LTA4H: variants seen among roughly 807,000 people sequenced by gnomAD.
LTA4H encodes the protein leukotriene A-4 hydrolase.
Under a neutral mutation model 89.8 loss-of-function variants are expected in LTA4H, and 59 were observed. The ratio of observed to expected loss-of-function variants is 0.66; its 90% confidence interval spans 0.53 to 0.82. The LOEUF is 0.82. Ranked by LOEUF, LTA4H falls within the 40% of genes least tolerant of loss-of-function variation. The pLI is 0.00. For missense variants in LTA4H, 617 were observed against 727.0 expected, an observed-to-expected ratio of 0.85 and a Z score of 1.74; for synonymous variants, 227 against 253.1, an observed-to-expected ratio of 0.90 and a Z score of 0.98.
upstream of LTA4H, chr12:96,035,768 A>AG: frequency 1.2e-5 from 10 of 803,356 alleles, no homozygotes; most frequent in Admixed American, 3.7e-5. Context: ...AGGGATGTTG[A>AG]GGGGGACCAA....
At chr12:96,033,561 CTTTTT>C (rs961398934) in intron 1 of LTA4H, among the ~76,000 whole-genome samples, 1 of 152,028 alleles carries the variant, frequency 6.6e-6, no homozygotes, top group Non-Finnish European at 1.5e-5. Context: ...TGTGGTTTTT[CTTTTT>C]TTATTATTAT....
At chr12:96,021,921 T>C (rs1950457567) in intron 5 of LTA4H, among the ~76,000 whole-genome samples, 1 of 152,112 alleles carries the variant, frequency 6.6e-6, no homozygotes, top group African/African-American at 2.4e-5. Context: ...AAAACAGGTA[T>C]GCTCCCTATT....
chr12:96,032,782 A>G (rs1015295595), intron 1 of LTA4H, among the ~76,000 whole-genome samples: 7 of 152,196 alleles, frequency 4.6e-5, no homozygotes, highest in African/African-American at 1.7e-4. Flanking sequence ...TTTTCTCTAG[A>G]TTTGGGGAAT....
intron 14 of LTA4H, chr12:96,009,423 G>C: frequency 4.7e-6 from 2 of 421,992 alleles, no homozygotes; most frequent in Non-Finnish European, 8.6e-6. Flanking sequence ...ATGTGCTCGA[G>C]TAGTATATGC....
chr12:96,008,549 T>C (rs1021169292), intron 15 of LTA4H, among the ~76,000 whole-genome samples: 3 of 132,538 alleles, frequency 2.3e-5, no homozygotes, highest in African/African-American at 9.6e-5. Context: ...TTTGCATACT[T>C]TTTTTTTTTA....
chr12:96,035,446 C>A lies in LTA4H; in HGVS notation c.74G>T (p.Arg25Leu). 2 of 1,609,976 alleles carry A rather than the reference C, an allele frequency of 1.2e-6. No homozygotes were observed. The highest frequency in any genetic ancestry group is 2.2e-5 in the South Asian group (2 of 90,278). ...CCGGCGAGTAAAGTCGACGCTGCAGCGCAGGTGCAGGTGCTTGGTCCGGCA... is the reference window on the plus strand; with the variant it reads ...CCGGCGAGTAAAGTCGACGCTGCAGAGCAGGTGCAGGTGCTTGGTCCGGCA... The part of the protein sequence containing the change: ...SVCRTKHLHL[R>L]CSVDFTRRTL... Residue 25 changes from arginine to leucine, a missense_variant, in exon 1 of 19, where the codon CGC (arginine) becomes CTC (leucine). Arg to Leu is a moderately radical substitution (Grantham distance 102, BLOSUM62 -2). Around this residue, in one of 3 missense-constraint regions of LTA4H, gnomAD observed 155 missense variants for 143.3 expected, o/e 1.08. Coordinates refer to ENST00000228740, the MANE Select transcript of LTA4H (RefSeq NM_000895.3).
At chr12:96,009,044 C>T (rs1034672205) in intron 15 of LTA4H, 50 bp downstream of exon 15, 2 of 1,315,416 alleles carry the variant, frequency 1.5e-6, no homozygotes, top group African/African-American at 2.9e-5. Context: ...TGAGTAAAGA[C>T]ATATTTGCAC....
In LTA4H at chr12:96,016,990, G is replaced by A. The variant is rs1950387257; in HGVS notation, c.947+54C>T. ...AACAATTCAGAGTGGTAGGAGGCAG[G>A]GAAAAAAAAATCAGCAACATGAACC... On this transcript the variant is annotated intron_variant, in intron 10 of 18. Coordinates refer to ENST00000228740, the MANE Select transcript of LTA4H (RefSeq NM_000895.3). 3.3e-6 allele frequency: 4 copies of A among 1,213,826 alleles called. No homozygotes were observed. In the African/African-American group the frequency reaches 4.5e-5, roughly 14 times the overall value. 75.2% of individuals were successfully genotyped at this position (1,213,826 alleles called of 1,614,324 possible).
chr12:96,006,213 C>A, intron 16 of LTA4H, 101 bp downstream of exon 16: 1 of 601,002 alleles, frequency 1.7e-6, no homozygotes, highest in Non-Finnish European at 2.9e-6. Flanking sequence ...ATTTTTTCCC[C>A]ATTAGTTTCC....
At chr12:96,018,464 G>A (rs1015658264) in intron 8 of LTA4H, among the ~76,000 whole-genome samples, 2 of 152,048 alleles carry the variant, frequency 1.3e-5, no homozygotes, top group African/African-American at 2.4e-5. Context: ...CAGGAGAATC[G>A]CTTGAACCCG....
At chr12:96,016,698 C>T (rs1390153861) in intron 10 of LTA4H, among the ~76,000 whole-genome samples, 4 of 151,062 alleles carry the variant, frequency 2.6e-5, no homozygotes, top group African/African-American at 9.7e-5. Flanking sequence ...CTCAGGAGTT[C>T]GAGACCAGCC....
intron 1 of LTA4H, chr12:96,043,147 G>A: frequency 1.6e-6 from 1 of 619,650 alleles, no homozygotes; most frequent in Non-Finnish European, 2.9e-6. Flanking sequence ...TCCACATTCT[G>A]CCTAGAAAAC....
At chr12:96,043,351 T>C (rs1453070877) in exon 1 of LTA4H, 21 of 1,535,202 alleles carry the variant, frequency 1.4e-5, no homozygotes, top group East Asian at 2.4e-5. Flanking sequence ...ACTTGTCTTT[T>C]AGAAAGATTT....
intron 1 of LTA4H, among the ~76,000 whole-genome samples, chr12:96,029,463 T>C (rs1950550372): frequency 6.6e-6 from 1 of 152,212 alleles, no homozygotes; most frequent in Non-Finnish European, 1.5e-5. Flanking sequence ...TAAATCAAAA[T>C]ATGTTTGCTT....
chr12:96,007,847 C>T (rs1384099797), intron 15 of LTA4H, among the ~76,000 whole-genome samples: 1 of 152,128 alleles, frequency 6.6e-6, no homozygotes, highest in Non-Finnish European at 1.5e-5. Context: ...CCATAGAAAT[C>T]TCTTATACTT....
chr12:96,020,080 T>A (rs1209844746), intron 6 of LTA4H, among the ~76,000 whole-genome samples: 1 of 151,996 alleles, frequency 6.6e-6, no homozygotes, highest in Non-Finnish European at 1.5e-5. Context: ...ATTTTTTATT[T>A]TTTTGTAGAG....
chr12:96,037,692 C>CT (rs1205832896), upstream of LTA4H, among the ~76,000 whole-genome samples: 22,711 of 113,990 alleles, frequency 0.2, 2,592 homozygotes, highest in Middle Eastern at 0.29. Context: ...ATTGAGAAAG[C>CT]TTTTTTTTTT....
intron 6 of LTA4H, among the ~76,000 whole-genome samples, chr12:96,019,687 G>T (rs958794597): frequency 2.0e-5 from 3 of 150,178 alleles, no homozygotes; most frequent in Non-Finnish European, 4.4e-5. Flanking sequence ...CACCTCCCAG[G>T]TTCACACCAT....
intron 11 of LTA4H, 33 bp downstream of exon 11, chr12:96,015,550 G>A: frequency 6.8e-7 from 1 of 1,479,750 alleles, no homozygotes; most frequent in Non-Finnish European, 9.4e-7. Context: ...ATACAACTTT[G>A]GATGAAGGTT....
Sources: allele counts gnomAD v4.1 joint callset (sites outside exome capture counted in the v4.1 genomes callset), GRCh38; gene constraint gnomAD v4.1.1; regional missense constraint gnomAD v4.1.1; transcripts MANE v1.5; gene names NCBI Gene and HGNC (gene_info 2026-07-23, HGNC 2026-07-21).